PLEKHM1: variants seen among roughly 807,000 people sequenced by gnomAD.
PLEKHM1 encodes pleckstrin homology domain-containing family M member 1.
PLEKHM1 carries 28 observed loss-of-function variants against 94.3 expected under a neutral mutation model. The ratio of observed to expected loss-of-function variants is 0.30; its 90% confidence interval spans 0.22 to 0.41. PLEKHM1 has a LOEUF of 0.41. PLEKHM1 is among the 10% of genes least tolerant of loss of function. PLEKHM1 has a pLI of 1.00. For synonymous variants in PLEKHM1, 424 were observed against 581.2 expected (o/e 0.73, Z 3.89); for missense variants, 907 against 1,358.6 (o/e 0.67, Z 5.22).
At chr17:45,449,473 C>A (rs2050705424) in intron 8 of PLEKHM1, among the ~76,000 whole-genome samples, 1 of 152,064 alleles carries the variant, frequency 6.6e-6, no homozygotes, top group Admixed American at 6.5e-5. Flanking sequence ...TACCCATCCA[C>A]CTACCCACCA....
In PLEKHM1 at chr17:45,437,155, G is replaced by A. The variant is rs530414083; in HGVS notation, c.*703C>T. 52 of 453,400 alleles carry A rather than the reference G, an allele frequency of 1.1e-4. No individual in the cohort carries two copies. Among genetic ancestry groups the A allele is most frequent in the South Asian group, 4.2e-4 (27 of 64,464 alleles). The allele number at this position is 453,400 out of a possible 1,614,324, so 28.1% of individuals were successfully genotyped here. A position where few individuals can be genotyped will look rare whatever the true frequency, so the allele number is the denominator to read the frequency against. ...CTAGGGGCTCTGACGCTGAGAAAGC[G>A]GTGGGCTCAGCAGGCGAGACGCACT... On this transcript the variant is annotated 3_prime_UTR_variant, in exon 12 of 12. Coordinates refer to ENST00000430334, the MANE Select transcript of PLEKHM1 (RefSeq NM_014798.3). This position sits in a 1 kb window ranked among gnomAD's most constrained non-coding sequence, Gnocchi z 4.0.
At position 45,477,306 on chromosome 17, in the gene PLEKHM1, C is replaced by T. The variant is rs535514697; in HGVS notation, c.296+594G>A. Reference sequence around the variant, plus strand: ...AAAATTAGCTGGGCGTGATGGTGCGCGCCTGTTGTCCCAGTTACTCAGGAG... The same window carrying T: ...AAAATTAGCTGGGCGTGATGGTGCGTGCCTGTTGTCCCAGTTACTCAGGAG... On this transcript the variant is annotated intron_variant, in intron 3 of 11. Transcript: ENST00000430334. The T allele has an allele frequency of 5.1e-5, 9 of 176,170 alleles. No individual in the cohort carries two copies. The South Asian group carries it at 7.4e-4, about 14-fold the overall frequency. The allele number at this position is 176,170 out of a possible 1,614,324, so 10.9% of individuals were successfully genotyped here.
At chr17:45,451,075 C>T (rs1479539746) in intron 7 of PLEKHM1, among the ~76,000 whole-genome samples, 3 of 150,348 alleles carry the variant, frequency 2.0e-5, no homozygotes, top group African/African-American at 7.4e-5. Flanking sequence ...GGTTCCAGAG[C>T]CTGAGTTCTG....
intron 8 of PLEKHM1, among the ~76,000 whole-genome samples, chr17:45,448,610 C>T (rs573706154): frequency 1.3e-5 from 2 of 152,322 alleles, no homozygotes; most frequent in South Asian, 4.1e-4. Context: ...TGAATATAGG[C>T]AGGAGGTGTG....
chr17:45,461,731 C>G (rs1193092212), intron 5 of PLEKHM1, among the ~76,000 whole-genome samples: 1 of 152,144 alleles, frequency 6.6e-6, no homozygotes, highest in Non-Finnish European at 1.5e-5. Context: ...CTGTGCAGGC[C>G]CCTGCAACCC....
At chr17:45,473,720 G>A (rs142100599) in intron 4 of PLEKHM1, among the ~76,000 whole-genome samples, 3,207 of 151,458 alleles carry the variant, frequency 0.021, 102 homozygotes, top group African/African-American at 0.068. Context: ...CACCACGCCC[G>A]GCTAATTTTT....
At position 45,444,828 on chromosome 17, in the gene PLEKHM1, G is replaced by A. The variant is rs1352686225; in HGVS notation, c.2837+642C>T. On this transcript the variant is annotated intron_variant, in intron 9 of 11. Transcript: ENST00000430334. The surrounding 1 kb of genome is among the most constrained non-coding windows in gnomAD (Gnocchi z 5.0). ...TGTCCTCCTCTGATCTGGGCTGGATGTCAAGCCTCTGTGGTTCCAGGACGT... is the reference window on the plus strand; with the variant it reads ...TGTCCTCCTCTGATCTGGGCTGGATATCAAGCCTCTGTGGTTCCAGGACGT... Among the ~76,000 whole-genome samples the A allele has an allele frequency of 6.6e-6, 1 of 152,132 alleles. No homozygotes were observed.
chr17:45,450,579 C>G, intron 8 of PLEKHM1, 39 bp downstream of exon 8: 1 of 1,612,344 alleles, frequency 6.2e-7, no homozygotes, highest in Non-Finnish European at 8.5e-7. Flanking sequence ...GAACACCCCT[C>G]TGTCCCTCAG....
chr17:45,452,442 C>CA (rs1334383107), intron 7 of PLEKHM1, among the ~76,000 whole-genome samples: 2 of 148,400 alleles, frequency 1.3e-5, no homozygotes, highest in East Asian at 2.0e-4. Flanking sequence ...AACAAACAAA[C>CA]AAAAAAGGAA....
At chr17:45,464,859 G>A (rs186424789) in intron 5 of PLEKHM1, among the ~76,000 whole-genome samples, 3,952 of 152,184 alleles carry the variant, frequency 0.026, 168 homozygotes, top group African/African-American at 0.091. Context: ...GAGCTATCAC[G>A]CCTCGCCTGA....
intron 1 of PLEKHM1, among the ~76,000 whole-genome samples, chr17:45,485,321 G>A (rs1941451075): frequency 6.6e-6 from 1 of 152,018 alleles, no homozygotes; most frequent in South Asian, 2.1e-4. Context: ...AGCTTCTCTG[G>A]CTCCGAAACC....
chr17:45,456,257 TCTC>T (rs1567779465), intron 6 of PLEKHM1: 6 of 152,316 alleles, frequency 3.9e-5, no homozygotes. Context: ...TTATTTCCCG[TCTC>T]CTCTACTAGA....
In PLEKHM1 at chr17:45,475,731, G is replaced by A. The variant is rs756522458; in HGVS notation, c.297-5C>T. 23 of 1,598,494 alleles carry A rather than the reference G, an allele frequency of 1.4e-5. No individual in the cohort carries two copies. In the Admixed American group the frequency reaches 4.0e-4, roughly 28 times the overall value. On this transcript the variant is annotated splice_polypyrimidine_tract_variant and splice_region_variant and intron_variant, in intron 3 of 11. Transcript: ENST00000430334. Reference sequence around the variant, plus strand: ...TCCAACTCTGAGATGATGTGTCTGGGAAGGGAGAACAGACGTGTTTCAAGA... The same window carrying A: ...TCCAACTCTGAGATGATGTGTCTGGAAAGGGAGAACAGACGTGTTTCAAGA...
At chr17:45,475,971 A>C (rs2051717495) in intron 3 of PLEKHM1, 1 of 581,422 alleles carries the variant, frequency 1.7e-6, no homozygotes, top group Non-Finnish European at 3.1e-6. Flanking sequence ...AACAGGACGA[A>C]ACTCTGTCTC....
intron 1 of PLEKHM1, among the ~76,000 whole-genome samples, chr17:45,483,999 G>A (rs1371480963): frequency 1.3e-5 from 2 of 152,232 alleles, no homozygotes; most frequent in African/African-American, 2.4e-5. Flanking sequence ...GAAGTGGGGC[G>A]TGGGCCATGC....
rs572914332 is a variant in PLEKHM1 at position 45,463,192 on chromosome 17, C to T, written c.1309-4753G>A. On this transcript the variant is annotated intron_variant, in intron 5 of 11. Coordinates refer to ENST00000430334, the MANE Select transcript of PLEKHM1 (RefSeq NM_014798.3). ...TTCAGACACAGTCCATTGAGCACAGCTGCCAGGAAATGAAACTAGGGAACA... is the reference window on the plus strand; with the variant it reads ...TTCAGACACAGTCCATTGAGCACAGTTGCCAGGAAATGAAACTAGGGAACA... Among the ~76,000 whole-genome samples the T allele has an allele frequency of 5.3e-5, 8 of 152,100 alleles. 1 individual carries two copies. In the East Asian group the frequency reaches 1.5e-3, roughly 29 times the overall value.
Position 45,436,158 on chromosome 17 carries a change from C to T in PLEKHM1, c.*1700G>A. On this transcript the variant is annotated 3_prime_UTR_variant, in exon 12 of 12. Coordinates refer to ENST00000430334, the MANE Select transcript of PLEKHM1 (RefSeq NM_014798.3). ...GCCTCAAACCTGCTGCCTCCGAGGG[C>T]ACCTTCGGGGAGAATCCTCACAGGC... The T allele has an allele frequency of 2.2e-6, 1 of 455,642 alleles. No individual in the cohort carries two copies. Among genetic ancestry groups the T allele is most frequent in the South Asian group, 1.5e-5 (1 of 64,534 alleles). The allele number at this position is 455,642 out of a possible 1,614,324, so 28.2% of individuals were successfully genotyped here.
rs779779058 is a variant in PLEKHM1, at chr17:45,478,147, C to T, written c.49G>A (p.Val17Ile). ...GATCCCACCAGCTTCTTCTTGATGA[C>T]CTAGGCAGCACCACACAGAACACAG... is the stretch of plus-strand genomic sequence containing the variant. Reference protein sequence around the residue: ...NGLDPQAAIPVIKKKLVGSVK... With the variant: ...NGLDPQAAIPIIKKKLVGSVK... The change falls in exon 3 of 12, where the codon GTC becomes ATC. Residue 17 changes from valine to isoleucine, a missense_variant and splice_region_variant. Val to Ile is a conservative substitution (Grantham distance 29, BLOSUM62 3). Coordinates refer to ENST00000430334, the MANE Select transcript of PLEKHM1 (RefSeq NM_014798.3). 1 of 1,614,188 alleles carries T rather than the reference C, an allele frequency of 6.2e-7. No homozygotes were observed. Among genetic ancestry groups the T allele is most frequent in the Non-Finnish European group, 8.5e-7 (1 of 1,180,044 alleles).
At chr17:45,447,270 C>T (rs1405680887) in intron 8 of PLEKHM1, among the ~76,000 whole-genome samples, 1 of 152,194 alleles carries the variant, frequency 6.6e-6, no homozygotes, top group Admixed American at 6.5e-5. Context: ...CTCTCACCTC[C>T]CCCAGCAATG....
Sources: allele counts gnomAD v4.1 joint callset (sites outside exome capture counted in the v4.1 genomes callset), GRCh38; gene constraint gnomAD v4.1.1; non-coding constraint Gnocchi (gnomAD v3.1); transcripts MANE v1.5; gene names NCBI Gene and HGNC (gene_info 2026-07-23, HGNC 2026-07-21).